RNF168: variants seen among roughly 807,000 people sequenced by gnomAD.
RNF168 encodes E3 ubiquitin-protein ligase RNF168.
Under a neutral mutation model 34.9 loss-of-function variants are expected in RNF168, and 34 were observed. The ratio of observed to expected loss-of-function variants is 0.97; its 90% CI spans 0.74 to 1.30. The LOEUF (loss-of-function observed/expected upper bound fraction) is 1.30, where lower values mean the gene tolerates loss of function less well. RNF168 is among the 50% of genes most tolerant of loss of function. RNF168 has a pLI of 0.00. For synonymous variants in RNF168, 264 were observed against 254.7 expected (o/e 1.04, Z -0.35); for missense variants, 725 against 682.5 (o/e 1.06, Z -0.69).
chr3:196,472,124 G>C lies in RNF168; in HGVS notation c.1411C>G (p.Pro471Ala), dbSNP rs1051887008. 1.9e-6 allele frequency: 3 copies of C among 1,613,876 alleles called. No individual in the cohort carries two copies. Among genetic ancestry groups the C allele is most frequent in the Non-Finnish European group, 1.7e-6 (2 of 1,180,006 alleles). The change falls in exon 6 of 6, where the codon CCA becomes GCA. Residue 471 changes from proline (P) to alanine (A), a missense_variant. Physicochemically the swap from Pro to Ala is conservative, Grantham distance 27. Coordinates refer to ENST00000318037, the MANE Select transcript of RNF168 (RefSeq NM_152617.4). Reference protein sequence around the residue: ...QMVPNRQKGSPDEYHLRATSS... With the variant: ...QMVPNRQKGSADEYHLRATSS... ...GTAGCGCGTAAGTGATACTCATCTG[G>C]GGATCCTTTTTGCCGGTTTGGCACC...
rs1732034848 is a variant in RNF168, at chr3:196,472,511, C to T, written c.1024G>A (p.Glu342Lys). ...CTGCCACAAGGCATAACTGCAGTTTCTTTCGAGTAGGGAACTCTGGTTTTA... is the reference window on the plus strand; with the variant it reads ...CTGCCACAAGGCATAACTGCAGTTTTTTTCGAGTAGGGAACTCTGGTTTTA... ...RPKTRVPYSK[E>K]TAVMPCGRTE... is the part of the protein sequence containing the mutation. The change falls in exon 6 of 6, where the codon GAA (glutamate) becomes AAA (lysine). Residue 342 changes from glutamate to lysine, a missense_variant. By Grantham distance (56) the Glu-to-Lys change is moderately conservative. Coordinates refer to ENST00000318037, the MANE Select transcript of RNF168 (RefSeq NM_152617.4). The T allele has an allele frequency of 1.9e-6, 3 of 1,614,212 alleles. No individual in the cohort carries two copies. The highest frequency in any genetic ancestry group is 2.2e-5 in the East Asian group (1 of 44,892).
At chr3:196,493,857 T>TTA (rs201748961) in intron 1 of RNF168, among the ~76,000 whole-genome samples, 1,825 of 129,502 alleles carry the variant, frequency 0.014, 40 homozygotes, top group African/African-American at 0.068. Flanking sequence ...TTAAATTTAT[T>TTA]TTTTTTTTTT....
At position 196,471,984 on chromosome 3, in the gene RNF168, T is replaced by G; in HGVS notation, c.1551A>C (p.Lys517Asn). 1 of 1,614,220 alleles carries G rather than the reference T, an allele frequency of 6.2e-7. No individual in the cohort carries two copies. The highest frequency in any genetic ancestry group is 8.5e-7 in the Non-Finnish European group (1 of 1,180,042). ...HPTPERGSRD[K>N]NRQVSLKMQL... The stretch of plus-strand genomic sequence containing the variant: ...GCATCTTTAAAGACACTTGCCTATT[T>G]TTGTCCCTTGAGCCTCTCTCTGGTG... The change falls in exon 6 of 6, where the codon AAA (lysine) becomes AAC (asparagine). Residue 517 changes from lysine (K) to asparagine (N), a missense_variant. Lys to Asn is a moderately conservative substitution (Grantham distance 94, BLOSUM62 0). Coordinates refer to ENST00000318037, the MANE Select transcript of RNF168 (RefSeq NM_152617.4).
At position 196,483,752 on chromosome 3, in the gene RNF168, A is replaced by T; in HGVS notation, c.680+18T>A. The T allele has an allele frequency of 6.2e-7, 1 of 1,604,994 alleles. No homozygotes were observed. The highest frequency in any genetic ancestry group is 8.5e-7 in the Non-Finnish European group (1 of 1,171,992). ...ACAGTAGGAGGTCAACAAATAATTCATAGTCATGTTCACTTACTTCTGAAT... is the reference window on the plus strand; with the variant it reads ...ACAGTAGGAGGTCAACAAATAATTCTTAGTCATGTTCACTTACTTCTGAAT... On this transcript the variant is annotated intron_variant, in intron 4 of 5. Transcript: ENST00000318037.
chr3:196,482,577 T>C (rs1202940047), intron 4 of RNF168, among the ~76,000 whole-genome samples: 3 of 152,218 alleles, frequency 2.0e-5, no homozygotes, highest in Non-Finnish European at 2.9e-5. Flanking sequence ...TGCGCAAGGA[T>C]TCCAATTTCT....
At chr3:196,489,560 C>G (rs983155495) in intron 1 of RNF168, among the ~76,000 whole-genome samples, 7 of 152,108 alleles carry the variant, frequency 4.6e-5, no homozygotes, top group African/African-American at 1.7e-4. Flanking sequence ...CTCCTAATGT[C>G]GGGCAATCTG....
At chr3:196,494,102 A>G (rs768025000) in intron 1 of RNF168, among the ~76,000 whole-genome samples, 3 of 115,114 alleles carry the variant, frequency 2.6e-5, no homozygotes, top group African/African-American at 4.1e-5. Flanking sequence ...GCCTGCCTTG[A>G]ACTCTCAAGT....
At chr3:196,485,497 A>C (rs967030504) in intron 3 of RNF168, among the ~76,000 whole-genome samples, 4 of 152,124 alleles carry the variant, frequency 2.6e-5, no homozygotes, top group Non-Finnish European at 4.4e-5. Context: ...CTCAAAAAAA[A>C]AAAAAGTTAA....
chr3:196,486,270 G>A (rs993381325), intron 3 of RNF168, among the ~76,000 whole-genome samples: 2 of 152,052 alleles, frequency 1.3e-5, no homozygotes, highest in African/African-American at 4.8e-5. Flanking sequence ...AAATCTCTAC[G>A]ATGTTATCAA....
chr3:196,478,409 T>C (rs900203321), intron 4 of RNF168, among the ~76,000 whole-genome samples: 1 of 152,196 alleles, frequency 6.6e-6, no homozygotes, highest in African/African-American at 2.4e-5. Flanking sequence ...CTGTAACCAC[T>C]CTGGCTGTCT....
At chr3:196,487,078 T>A (rs1319538861) in intron 3 of RNF168, among the ~76,000 whole-genome samples, 1 of 152,200 alleles carries the variant, frequency 6.6e-6, no homozygotes, top group Non-Finnish European at 1.5e-5. Flanking sequence ...CCCAAAAACC[T>A]GGATTAGAGC....
At chr3:196,488,242 G>A (rs967433577) in intron 2 of RNF168, among the ~76,000 whole-genome samples, 11 of 152,256 alleles carry the variant, frequency 7.2e-5, no homozygotes, top group Non-Finnish European at 1.5e-4. Flanking sequence ...AGCACTTTGG[G>A]AGGCCGAGGC....
chr3:196,478,830 C>T (rs867085091), intron 4 of RNF168, among the ~76,000 whole-genome samples: 47 of 147,586 alleles, frequency 3.2e-4, no homozygotes, highest in African/African-American at 1.2e-3. Context: ...CCATGCCCAG[C>T]GAATTTTTGT....
In RNF168 at chr3:196,471,889, C is replaced by A; in HGVS notation, c.1646G>T (p.Ser549Ile). 1 of 1,614,098 alleles carries A rather than the reference C, an allele frequency of 6.2e-7. No homozygotes were observed. Among genetic ancestry groups the A allele is most frequent in the Non-Finnish European group, 8.5e-7 (1 of 1,179,986 alleles). ...AATGCTAGGCTGTAGGGAGTGAGCA[C>A]TTTTGGATACCTTACAGTGATCTCT... ...STRDHCKVSK[S>I]AHSLQPSISQ... The change falls in exon 6 of 6, where the codon AGT (serine) becomes ATT (isoleucine). Residue 549 changes from serine to isoleucine, a missense_variant. Physicochemically the swap from Ser to Ile is moderately radical, Grantham distance 142. Transcript: ENST00000318037.
intron 1 of RNF168, among the ~76,000 whole-genome samples, chr3:196,491,467 G>T (rs149932070): frequency 0.02 from 3,015 of 152,156 alleles, 100 homozygotes; most frequent in African/African-American, 0.068. Flanking sequence ...TGACCAACAC[G>T]GTGAAACCCG....
Position 196,488,672 on chromosome 3 carries a change from G to T in RNF168, c.313C>A (p.Gln105Lys). Residue 105 changes from glutamine to lysine, a missense_variant, in exon 2 of 6, where the codon CAG becomes AAG. Physicochemically the swap from Gln to Lys is moderately conservative, Grantham distance 53 (BLOSUM62 1). Transcript: ENST00000318037. ...GGTTTACTGAGCAGACGAACTGGCT[G>T]ATAGTCATCAGCTATTTCATATCAA... The part of the protein sequence containing the change: ...QESEEVADDY[Q>K]PVRLLSKPGE... The T allele has an allele frequency of 6.3e-7, 1 of 1,599,994 alleles. No individual in the cohort carries two copies. Among genetic ancestry groups the T allele is most frequent in the Non-Finnish European group, 8.6e-7 (1 of 1,167,644 alleles).
intron 4 of RNF168, among the ~76,000 whole-genome samples, chr3:196,479,978 A>G (rs1284146942): frequency 2.6e-5 from 4 of 152,176 alleles, no homozygotes. Context: ...GTCATACAAT[A>G]CATGTAAGAA....
At position 196,471,196 on chromosome 3, in the gene RNF168, C is replaced by CAAAAAAAAAAAAAAAAAAAAAAAAA. The variant is rs57647149; in HGVS notation, c.*598_*622dup. ...GCGTGACAGAGCAAGACTCTGTCTC[C>CAAAAAAAAAAAAAAAAAAAAAAAAA]AAAAAAAAAAAAAAAAAAAAAAAAA... is the stretch of plus-strand genomic sequence containing the variant. On this transcript the variant is annotated 3_prime_UTR_variant, in exon 6 of 6. Transcript: ENST00000318037. 9.8e-5 allele frequency: 4 copies of CAAAAAAAAAAAAAAAAAAAAAAAAA among 40,640 alleles called. No individual in the cohort carries two copies. The highest frequency in any genetic ancestry group is 9.8e-4 in the South Asian group (1 of 1,018). 2.5% of individuals were successfully genotyped at this position (40,640 alleles called of 1,614,324 possible). A position where few individuals can be genotyped will look rare whatever the true frequency, so the allele number is the denominator to read the frequency against.
rs1017368105 is a variant in RNF168 at position 196,483,802 on chromosome 3, C to T, written c.648G>A (p.Lys216=). ...TATCTCCAGTGTTTCTTTGTTTGTT[C>T]TTACTTTTCTTTTCAGACTTGGGTG... is the stretch of plus-strand genomic sequence containing the variant. ...PVTPKSEKKS[K]NKQRNTGDIQ... is the part of the protein sequence containing the mutation. The change falls in exon 4 of 6, where the codon AAG becomes AAA. Residue 216 remains lysine, a synonymous_variant. Transcript: ENST00000318037. 6.2e-7 allele frequency: 1 copy of T among 1,611,538 alleles called. No homozygotes were observed.
Sources: allele counts gnomAD v4.1 joint callset (sites outside exome capture counted in the v4.1 genomes callset), GRCh38; gene constraint gnomAD v4.1.1; transcripts MANE v1.5; gene names NCBI Gene and HGNC (gene_info 2026-07-23, HGNC 2026-07-21).